B3GALT5: variants seen among roughly 807,000 people sequenced by gnomAD.
The protein encoded by B3GALT5 is beta-1,3-galactosyltransferase 5, also known as UDP-Gal:betaGlcNAc beta 1,3-galactosyltransferase, polypeptide 5.
For synonymous variants in B3GALT5, 156 were observed against 158.6 expected (o/e 0.98, Z 0.12); for missense variants, 328 against 396.6 (o/e 0.83, Z 1.47).
In B3GALT5 at chr21:39,672,797, C is replaced by T. The variant is rs1487639020; in HGVS notation, c.*11305C>T. The stretch of plus-strand genomic sequence containing the variant: ...AAATGTACTGAACAATGTTGACATG[C>T]TTATTTTTGTAAGAGATGGGTACTT... On this transcript the variant is annotated 3_prime_UTR_variant, in exon 4 of 4. Transcript: ENST00000684187. 6.6e-6 allele frequency: 1 copy of T among 151,942 alleles called. No individual in the cohort carries two copies. The highest frequency in any genetic ancestry group is 2.4e-5 in the African/African-American group (1 of 41,300). The allele number at this position is 151,942 out of a possible 1,614,324, so 9.4% of individuals were successfully genotyped here. A position where few individuals can be genotyped will look rare whatever the true frequency, so the allele number is the denominator to read the frequency against.
At chr21:39,656,654 T>A (rs2079447753) in intron 2 of B3GALT5, among the ~76,000 whole-genome samples, 1 of 152,176 alleles carries the variant, frequency 6.6e-6, no homozygotes, top group Non-Finnish European at 1.5e-5. Context: ...CCCCTTCAGT[T>A]TTCCAGTCCT....
At chr21:39,630,560 T>C (rs1374748714) in intron 1 of B3GALT5, 1 of 152,216 alleles carries the variant, frequency 6.6e-6, no homozygotes, top group Non-Finnish European at 1.5e-5. Flanking sequence ...GCTGGGTTTA[T>C]GCTTTCAAGT....
chr21:39,641,463 GA>G lies in B3GALT5; in HGVS notation c.-391-4921del, dbSNP rs199683297. Among the ~76,000 whole-genome samples the G allele has an allele frequency of 2.1e-3, 323 of 152,058 alleles. 1 individual carries two copies. Among genetic ancestry groups the G allele is most frequent in the African/African-American group, 7.3e-3 (301 of 41,484 alleles). On this transcript the variant is annotated intron_variant, in intron 1 of 3. Coordinates refer to ENST00000684187, the MANE Select transcript of B3GALT5 (RefSeq NM_001356336.2). Reference sequence around the variant, plus strand: ...AATATTAGCATTATGGAATTTAGATGAAAAAAAAGTTCTTAAAATTAAGCTA... The same window carrying G: ...AATATTAGCATTATGGAATTTAGATGAAAAAAAGTTCTTAAAATTAAGCTA...
At chr21:39,653,052 G>A (rs1051939570) in intron 2 of B3GALT5, among the ~76,000 whole-genome samples, 2 of 151,974 alleles carry the variant, frequency 1.3e-5, no homozygotes, top group Non-Finnish European at 2.9e-5. Flanking sequence ...AATCACCACC[G>A]AGATCTAGAA....
chr21:39,628,646 T>C (rs1226793268), intron 1 of B3GALT5, among the ~76,000 whole-genome samples: 1 of 152,228 alleles, frequency 6.6e-6, no homozygotes, highest in African/African-American at 2.4e-5. Flanking sequence ...GAATTTGACC[T>C]TTCACCAGTT....
chr21:39,623,306 C>T (rs1006698629), intron 1 of B3GALT5, among the ~76,000 whole-genome samples: 1 of 138,768 alleles, frequency 7.2e-6, no homozygotes, highest in African/African-American at 2.7e-5. Flanking sequence ...TTTCTCTTTT[C>T]TTGGGTAATT....
chr21:39,652,456 C>G (rs1184449369), intron 2 of B3GALT5, among the ~76,000 whole-genome samples: 1 of 152,186 alleles, frequency 6.6e-6, no homozygotes, highest in Non-Finnish European at 1.5e-5. Flanking sequence ...CAGTTTGGCA[C>G]AAGGGCACAG....
intron 2 of B3GALT5, among the ~76,000 whole-genome samples, chr21:39,647,755 G>C (rs544997015): frequency 6.6e-6 from 1 of 152,292 alleles, no homozygotes; most frequent in African/African-American, 2.4e-5. Flanking sequence ...AAGCAGCCTA[G>C]AGTCTATGGC....
chr21:39,651,936 C>T (rs531108709), intron 2 of B3GALT5, among the ~76,000 whole-genome samples: 13 of 152,236 alleles, frequency 8.5e-5, no homozygotes, highest in Admixed American at 4.6e-4. Flanking sequence ...CATGTAAAAA[C>T]GTTATTCAGA....
At position 39,669,007 on chromosome 21, in the gene B3GALT5, A is replaced by G. The variant is rs1029561519; in HGVS notation, c.*7515A>G. ...ATTCTATGGTGGTGTATACAGCACT[A>G]TCTATCAGTGTACCTGTCAGTGTCT... On this transcript the variant is annotated 3_prime_UTR_variant, in exon 4 of 4. Coordinates refer to ENST00000684187, the MANE Select transcript of B3GALT5 (RefSeq NM_001356336.2). The G allele has an allele frequency of 6.6e-6, 1 of 152,240 alleles. No individual in the cohort carries two copies. Among genetic ancestry groups the G allele is most frequent in the African/African-American group, 2.4e-5 (1 of 41,458 alleles). The allele number at this position is 152,240 out of a possible 1,614,324, so 9.4% of individuals were successfully genotyped here. A position where few individuals can be genotyped will look rare whatever the true frequency, so the allele number is the denominator to read the frequency against.
chr21:39,637,873 C>A (rs1218482753), intron 1 of B3GALT5, among the ~76,000 whole-genome samples: 1 of 152,156 alleles, frequency 6.6e-6, no homozygotes, highest in Admixed American at 6.5e-5. Context: ...TGCAAGGGAG[C>A]AAGTGAGCCC....
Position 39,672,769 on chromosome 21 carries a change from G to C in B3GALT5, c.*11277G>C, listed in dbSNP as rs1165061854. The C allele has an allele frequency of 6.6e-6, 1 of 152,146 alleles. No homozygotes were observed. The highest frequency in any genetic ancestry group is 2.4e-5 in the African/African-American group (1 of 41,432). The allele number at this position is 152,146 out of a possible 1,614,324, so 9.4% of individuals were successfully genotyped here. A position where few individuals can be genotyped will look rare whatever the true frequency, so the allele number is the denominator to read the frequency against. On this transcript the variant is annotated 3_prime_UTR_variant, in exon 4 of 4. Coordinates refer to ENST00000684187, the MANE Select transcript of B3GALT5 (RefSeq NM_001356336.2). The stretch of plus-strand genomic sequence containing the variant: ...AATTTATTTTGATTTTATATGTGTA[G>C]AAAAATGTACTGAACAATGTTGACA...
chr21:39,654,528 T>C (rs181954195), intron 2 of B3GALT5, among the ~76,000 whole-genome samples: 23 of 152,356 alleles, frequency 1.5e-4, no homozygotes, highest in Admixed American at 1.5e-3. Flanking sequence ...TAGAGTTAGT[T>C]GATGAAGCAG....
chr21:39,661,358 T>C lies in B3GALT5; in HGVS notation c.799T>C (p.Phe267Leu). 6.2e-7 allele frequency: 1 copy of C among 1,610,940 alleles called. No individual in the cohort carries two copies. The highest frequency in any genetic ancestry group is 8.5e-7 in the Non-Finnish European group (1 of 1,178,656). ...GGAGCTCCACTCCCAGCCGACCTTTTTTCCAGGGGGCTTACGCTTCTCCGT... is the reference window on the plus strand; with the variant it reads ...GGAGCTCCACTCCCAGCCGACCTTTCTTCCAGGGGGCTTACGCTTCTCCGT... Reference protein sequence around the residue: ...LEELHSQPTFFPGGLRFSVCL... With the variant: ...LEELHSQPTFLPGGLRFSVCL... The change falls in exon 4 of 4, where the codon TTT (phenylalanine) becomes CTT (leucine). Residue 267 changes from phenylalanine to leucine, a missense_variant. Transcript: ENST00000684187. This position sits in a 1 kb window ranked among gnomAD's most constrained non-coding sequence, Gnocchi z 4.7.
At chr21:39,658,248 C>T (rs546690097) in intron 2 of B3GALT5, among the ~76,000 whole-genome samples, 1 of 150,710 alleles carries the variant, frequency 6.6e-6, no homozygotes, top group South Asian at 2.1e-4. Context: ...GGGTTTGGCA[C>T]CTGCTCTGCC....
chr21:39,643,938 A>G (rs1388720872), intron 1 of B3GALT5, among the ~76,000 whole-genome samples: 2 of 152,186 alleles, frequency 1.3e-5, no homozygotes, highest in East Asian at 1.9e-4. Flanking sequence ...AGTTCTGTCA[A>G]TCAAGGAAAA....
chr21:39,639,226 A>G (rs1430388997), intron 1 of B3GALT5, among the ~76,000 whole-genome samples: 1 of 152,150 alleles, frequency 6.6e-6, no homozygotes, highest in Non-Finnish European at 1.5e-5. Flanking sequence ...CATGAAAGAT[A>G]AGTTGTAACA....
chr21:39,658,020 G>T (rs2079465779), intron 2 of B3GALT5: 1 of 826,388 alleles, frequency 1.2e-6, no homozygotes, highest in Non-Finnish European at 1.6e-6. Flanking sequence ...GACACAGGCT[G>T]CCCTTTCCAG....
intron 1 of B3GALT5, among the ~76,000 whole-genome samples, chr21:39,639,351 C>CTTTTT (rs1569212202): frequency 0.019 from 1,188 of 63,678 alleles, 17 homozygotes; most frequent in Non-Finnish European, 0.024. Flanking sequence ...TCTTTCTTTC[C>CTTTTT]TTCCTTCCTT....
Sources: gnomAD v4.1 joint callset for allele counts (sites outside exome capture counted in the v4.1 genomes callset) on GRCh38, gnomAD v4.1.1 for gene constraint, Gnocchi (gnomAD v3.1) non-coding constraint, MANE v1.5 for transcripts, NCBI Gene and HGNC (gene_info 2026-07-23, HGNC 2026-07-21) for gene names.